SMYD3: variants seen among roughly 807,000 people sequenced by gnomAD.
SMYD3 encodes the protein histone-lysine N-methyltransferase SMYD3.
In SMYD3, 36 loss-of-function variants were observed where a neutral mutation model predicts 57.7. That is an observed-to-expected ratio of 0.62 (90% CI 0.48 to 0.82). The LOEUF (loss-of-function observed/expected upper bound fraction) is 0.82, where lower values mean the gene tolerates loss of function less well. Among genes scored for constraint, SMYD3 ranks in the 40% least tolerant of loss-of-function variants. The probability of loss-of-function intolerance (pLI) is 0.00; values close to 1 mark genes in which losing one functional copy is unlikely to be tolerated. For missense variants in SMYD3, 515 were observed against 538.8 expected, an observed-to-expected ratio of 0.96 and a Z score of 0.44; for synonymous variants, 211 against 195.0, an observed-to-expected ratio of 1.08 and a Z score of -0.68.
chr1:245,995,129 G>T (rs2058899355), intron 5 of SMYD3, among the ~76,000 whole-genome samples: 1 of 152,094 alleles, frequency 6.6e-6, no homozygotes, highest in Non-Finnish European at 1.5e-5. Flanking sequence ...TCGAAGAAAT[G>T]GAATGATTAA....
intron 5 of SMYD3, among the ~76,000 whole-genome samples, chr1:246,086,869 T>C (rs1032929941): frequency 6.6e-6 from 1 of 152,152 alleles, no homozygotes; most frequent in Non-Finnish European, 1.5e-5. Flanking sequence ...TTTTTCCTGA[T>C]GCTCTCCCTC....
At chr1:246,232,126 T>C (rs72774475) in intron 5 of SMYD3, among the ~76,000 whole-genome samples, 31,537 of 152,076 alleles carry the variant, frequency 0.21, 3,985 homozygotes, top group East Asian at 0.58. Flanking sequence ...AATTAGAATA[T>C]TTATATTTGT....
intron 5 of SMYD3, among the ~76,000 whole-genome samples, chr1:246,044,172 T>G (rs2059924372): frequency 1.3e-5 from 2 of 152,208 alleles, no homozygotes; most frequent in South Asian, 4.1e-4. Context: ...TTGAACTGAT[T>G]CACAGTGCAT....
rs1015250862 is a variant in SMYD3 at position 246,090,493 on chromosome 1, G to C, written c.532-160556C>G. On this transcript the variant is annotated intron_variant, in intron 5 of 11. Transcript: ENST00000490107. ...GAAGACTCCTCTCTCTATAGAGAAAGAGAGAGAGCTGTTTTTCTTTCTCTC... is the reference window on the plus strand; with the variant it reads ...GAAGACTCCTCTCTCTATAGAGAAACAGAGAGAGCTGTTTTTCTTTCTCTC... Among the ~76,000 whole-genome samples the C allele has an allele frequency of 2.0e-5, 3 of 149,370 alleles. No individual in the cohort carries two copies. In the East Asian group the frequency reaches 5.9e-4, roughly 29 times the overall value.
intron 1 of SMYD3, among the ~76,000 whole-genome samples, chr1:246,450,666 C>T (rs1411897083): frequency 6.6e-6 from 1 of 152,184 alleles, no homozygotes; most frequent in African/African-American, 2.4e-5. Flanking sequence ...TCATATTCGA[C>T]ACTGAATCCT....
intron 1 of SMYD3, among the ~76,000 whole-genome samples, chr1:246,447,284 T>C (rs1472088988): frequency 6.6e-6 from 1 of 152,210 alleles, no homozygotes; most frequent in Non-Finnish European, 1.5e-5. Flanking sequence ...TCACTTTACA[T>C]TTCTGGTCCC....
chr1:246,010,312 T>C (rs2059259598), intron 5 of SMYD3, among the ~76,000 whole-genome samples: 1 of 152,052 alleles, frequency 6.6e-6, no homozygotes, highest in African/African-American at 2.4e-5. Context: ...CCTGCTCTTG[T>C]TTTCTCCTCT....
intron 5 of SMYD3, chr1:246,326,389 C>T: frequency 2.9e-6 from 2 of 682,342 alleles, no homozygotes; most frequent in South Asian, 1.6e-5. Context: ...CATTTCATGC[C>T]TATGGGCTAG....
At chr1:246,162,537 G>A (rs928584051) in intron 5 of SMYD3, among the ~76,000 whole-genome samples, 2 of 152,150 alleles carry the variant, frequency 1.3e-5, no homozygotes, top group African/African-American at 4.8e-5. Context: ...TGGAATTTTT[G>A]TTTGTGTTAC....
chr1:246,306,469 A>G (rs2064980979), intron 5 of SMYD3, among the ~76,000 whole-genome samples: 1 of 152,220 alleles, frequency 6.6e-6, no homozygotes, highest in Non-Finnish European at 1.5e-5. Flanking sequence ...ATAAAACTAT[A>G]TTTTATACTC....
chr1:245,826,241 C>G (rs532616085), intron 10 of SMYD3, among the ~76,000 whole-genome samples: 1 of 151,896 alleles, frequency 6.6e-6, no homozygotes, highest in South Asian at 2.1e-4. Context: ...CACCTTTTTA[C>G]GTTGAATTTG....
Position 246,183,206 on chromosome 1 carries a change from T to G in SMYD3, c.531+143995A>C, listed in dbSNP as rs983288362. Among the ~76,000 whole-genome samples the G allele has an allele frequency of 2.0e-5, 3 of 152,052 alleles. No homozygotes were observed. In the East Asian group the frequency reaches 5.8e-4, roughly 29 times the overall value. On this transcript the variant is annotated intron_variant, in intron 5 of 11. Transcript: ENST00000490107. ...CGAAGTCTGTACAAGCCCAGGGCAA[T>G]CAATGAAATCTGCATGTAAACGAGG...
intron 5 of SMYD3, among the ~76,000 whole-genome samples, chr1:246,036,970 C>T (rs1049912200): frequency 1.3e-5 from 2 of 152,010 alleles, no homozygotes; most frequent in African/African-American, 4.8e-5. Flanking sequence ...ACACAAAGAG[C>T]TTCCTCATCG....
At chr1:246,023,547 A>T (rs2148234589) in intron 5 of SMYD3, among the ~76,000 whole-genome samples, 1 of 152,314 alleles carries the variant, frequency 6.6e-6, no homozygotes. Flanking sequence ...CAAGGAAAAA[A>T]AAAGGACTTA....
intron 5 of SMYD3, among the ~76,000 whole-genome samples, chr1:246,218,459 T>C (rs1019079339): frequency 6.6e-6 from 1 of 152,020 alleles, no homozygotes; most frequent in African/African-American, 2.4e-5. Flanking sequence ...CCGTCTCTAC[T>C]AAAAATACAA....
intron 5 of SMYD3, among the ~76,000 whole-genome samples, chr1:246,216,012 G>A (rs1218069308): frequency 2.6e-5 from 4 of 152,096 alleles, no homozygotes; most frequent in Non-Finnish European, 2.9e-5. Flanking sequence ...ACTCAAGGCC[G>A]GGCACGGTGG....
intron 1 of SMYD3, among the ~76,000 whole-genome samples, chr1:246,366,947 A>G (rs997800395): frequency 6.6e-6 from 1 of 152,054 alleles, no homozygotes; most frequent in South Asian, 2.1e-4. Context: ...AAAAAAAAAA[A>G]AAAAATCACC....
chr1:246,127,479 G>A (rs985463113), intron 5 of SMYD3, among the ~76,000 whole-genome samples: 1 of 152,088 alleles, frequency 6.6e-6, no homozygotes, highest in Non-Finnish European at 1.5e-5. Flanking sequence ...TTTTGTTTTA[G>A]TATTTTGTTT....
chr1:246,089,565 T>G (rs2060784908), intron 5 of SMYD3, among the ~76,000 whole-genome samples: 1 of 152,204 alleles, frequency 6.6e-6, no homozygotes, highest in Non-Finnish European at 1.5e-5. Flanking sequence ...AACATATGAA[T>G]CTTCACAAAC....
Sources: allele counts gnomAD v4.1 joint callset (sites outside exome capture counted in the v4.1 genomes callset), GRCh38; gene constraint gnomAD v4.1.1; transcripts MANE v1.5; gene names NCBI Gene and HGNC (gene_info 2026-07-23, HGNC 2026-07-21).